SLC6A2: variants seen among roughly 807,000 people sequenced by gnomAD.
The protein encoded by SLC6A2 is solute carrier family 6 member 2.
Under a neutral mutation model 71.7 loss-of-function variants are expected in SLC6A2, and 26 were observed. That is an observed-to-expected ratio of 0.36 (90% confidence interval 0.27 to 0.50). The LOEUF is 0.50. Ranked by LOEUF, SLC6A2 falls within the 20% of genes least tolerant of loss-of-function variation. SLC6A2 has a pLI of 0.96. For missense variants in SLC6A2, 581 were observed against 803.9 expected, an observed-to-expected ratio of 0.72 and a Z score of 3.35; for synonymous variants, 363 against 337.9, an observed-to-expected ratio of 1.07 and a Z score of -0.82.
intron 3 of SLC6A2, chr16:55,671,546 T>G (rs1209016519): frequency 2.4e-6 from 1 of 418,680 alleles, no homozygotes; most frequent in Non-Finnish European, 4.3e-6. Context: ...AAGCTTCATC[T>G]GTATTTACAG....
intron 4 of SLC6A2, among the ~76,000 whole-genome samples, chr16:55,677,768 TC>T (rs1965140335): frequency 6.6e-6 from 1 of 151,800 alleles, no homozygotes; most frequent in Non-Finnish European, 1.5e-5. Context: ...CAAGTAATCC[TC>T]CCACCTCAGC....
chr16:55,664,691 G>A (rs963751088), intron 2 of SLC6A2, among the ~76,000 whole-genome samples: 4 of 152,292 alleles, frequency 2.6e-5, no homozygotes, highest in South Asian at 4.1e-4. Flanking sequence ...TATTATTATC[G>A]CATTTACAAA....
At chr16:55,687,784 C>T (rs988688075) in intron 5 of SLC6A2, among the ~76,000 whole-genome samples, 4 of 152,216 alleles carry the variant, frequency 2.6e-5, no homozygotes, top group African/African-American at 7.2e-5. Context: ...GAGCCTGCCC[C>T]GTCTAGTTTA....
At chr16:55,666,187 G>C (rs531053247) in intron 2 of SLC6A2, among the ~76,000 whole-genome samples, 2 of 152,308 alleles carry the variant, frequency 1.3e-5, no homozygotes, top group South Asian at 2.1e-4. Context: ...TTGCAGTTCT[G>C]AGACTCTCGG....
At chr16:55,663,457 C>A (rs1964663365) in intron 2 of SLC6A2, among the ~76,000 whole-genome samples, 1 of 152,202 alleles carries the variant, frequency 6.6e-6, no homozygotes, top group Non-Finnish European at 1.5e-5. Flanking sequence ...GATACAGCTG[C>A]CCAACCTTGA....
chr16:55,702,905 A>C lies in SLC6A2; in HGVS notation c.*559A>C, dbSNP rs1463097235. 7 of 990,066 alleles carry C rather than the reference A, an allele frequency of 7.1e-6. No individual in the cohort carries two copies. In the South Asian group the frequency reaches 2.3e-4, roughly 33 times the overall value. The allele number at this position is 990,066 out of a possible 1,614,324, so 61.3% of individuals were successfully genotyped here. A position where few individuals can be genotyped will look rare whatever the true frequency, so the allele number is the denominator to read the frequency against. ...TGGGAGTTAGATTTATTTGTCTCTA[A>C]AATGAAGTCAGTGGATAGATGCTTT... On this transcript the variant is annotated 3_prime_UTR_variant, in exon 15 of 15. Coordinates refer to ENST00000568943, the MANE Select transcript of SLC6A2 (RefSeq NM_001172501.3).
At position 55,656,830 on chromosome 16, in the gene SLC6A2, C is replaced by G. The variant is rs762963131; in HGVS notation, c.136C>G (p.Leu46Val). The change falls in exon 2 of 15, where the codon CTG (leucine) becomes GTG (valine). Residue 46 changes from leucine (L) to valine (V), a missense_variant. Leu to Val is a conservative substitution (Grantham distance 32, BLOSUM62 1). This residue lies in a region of SLC6A2 where 76 missense variants were observed against 79.9 expected (regional missense o/e 0.95). Transcript: ENST00000568943. This position sits in a 1 kb window ranked among gnomAD's most constrained non-coding sequence, Gnocchi z 4.5. ...VKERNGVQCLLAPRDGDAQPR... is the reference protein window; with the variant it reads ...VKERNGVQCLVAPRDGDAQPR... ...GGAGCGCAACGGCGTCCAGTGCCTGCTGGCGCCCCGCGACGGCGACGCGCA... is the reference window on the plus strand; with the variant it reads ...GGAGCGCAACGGCGTCCAGTGCCTGGTGGCGCCCCGCGACGGCGACGCGCA... The G allele has an allele frequency of 4.3e-6, 7 of 1,613,424 alleles. No homozygotes were observed. In the South Asian group the frequency reaches 6.6e-5, roughly 15 times the overall value.
chr16:55,695,991 A>C (rs1291353089), intron 8 of SLC6A2, among the ~76,000 whole-genome samples: 2 of 152,160 alleles, frequency 1.3e-5, no homozygotes, highest in Non-Finnish European at 2.9e-5. Context: ...GGTTTGCAGC[A>C]TGTAGCCTGT....
chr16:55,703,731 G>A lies in SLC6A2; in HGVS notation c.*1385G>A. 1 of 985,350 alleles carries A rather than the reference G, an allele frequency of 1.0e-6. No homozygotes were observed. Among genetic ancestry groups the A allele is most frequent in the Non-Finnish European group, 1.2e-6 (1 of 829,896 alleles). The allele number at this position is 985,350 out of a possible 1,614,324, so 61.0% of individuals were successfully genotyped here. On this transcript the variant is annotated 3_prime_UTR_variant, in exon 15 of 15. Transcript: ENST00000568943. ...GGAGGGATTCTTATTCTGACTGTGG[G>A]AGCTCCTGTTGCGGGATCTTGGGAA... is the stretch of plus-strand genomic sequence containing the variant.
At chr16:55,683,826 G>A (rs1160702459) in intron 4 of SLC6A2, among the ~76,000 whole-genome samples, 3 of 152,110 alleles carry the variant, frequency 2.0e-5, no homozygotes, top group African/African-American at 2.4e-5. Flanking sequence ...CTCCTAGTCA[G>A]TAACCCCCTC....
At chr16:55,667,400 C>T (rs1034606487) in intron 2 of SLC6A2, among the ~76,000 whole-genome samples, 2 of 152,182 alleles carry the variant, frequency 1.3e-5, no homozygotes, top group Non-Finnish European at 2.9e-5. Flanking sequence ...TGGTAATTCT[C>T]TCTCAGGGGT....
At chr16:55,681,705 T>C (rs1965276574) in intron 4 of SLC6A2, among the ~76,000 whole-genome samples, 1 of 152,210 alleles carries the variant, frequency 6.6e-6, no homozygotes, top group Admixed American at 6.5e-5. Context: ...TATGTTTTCC[T>C]TACAAGCCTG....
chr16:55,695,597 TAGG>T (rs1293547203), intron 8 of SLC6A2, among the ~76,000 whole-genome samples, 195 bp downstream of exon 8: 30 of 152,310 alleles, frequency 2.0e-4, no homozygotes, highest in Admixed American at 5.2e-4. Context: ...CCCATGCATG[TAGG>T]AGAACCTTCC....
chr16:55,698,379 A>T, intron 10 of SLC6A2, 90 bp from the exon 11 acceptor site: 1 of 925,746 alleles, frequency 1.1e-6, no homozygotes, highest in South Asian at 1.3e-5. Flanking sequence ...AGCAAGTGGG[A>T]CAGGGGGCAG....
chr16:55,701,938 G>T lies in SLC6A2; in HGVS notation c.1830+4G>T. On this transcript the variant is annotated splice_donor_region_variant and intron_variant, in intron 14 of 14. Coordinates refer to ENST00000568943, the MANE Select transcript of SLC6A2 (RefSeq NM_001172501.3). ...GAGGGACATCAGACAGTTCCAGGTGGGTGAAGCCTAGACCCCTGGGGTGGA... is the reference window on the plus strand; with the variant it reads ...GAGGGACATCAGACAGTTCCAGGTGTGTGAAGCCTAGACCCCTGGGGTGGA... The T allele has an allele frequency of 6.2e-7, 1 of 1,610,954 alleles. No homozygotes were observed. The highest frequency in any genetic ancestry group is 1.1e-5 in the South Asian group (1 of 91,016).
intron 4 of SLC6A2, among the ~76,000 whole-genome samples, chr16:55,679,446 G>A (rs1965198765): frequency 6.6e-6 from 1 of 151,978 alleles, no homozygotes; most frequent in South Asian, 2.1e-4. Flanking sequence ...AGACTGATGT[G>A]GAACTCCTGA....
Position 55,691,902 on chromosome 16 carries a change from C to T in SLC6A2, c.784-16C>T, listed in dbSNP as rs1339262619. On this transcript the variant is annotated splice_polypyrimidine_tract_variant and intron_variant, in intron 5 of 14. Transcript: ENST00000568943. ...GGCCAGAGCGAGGCTCTCACCTGAA[C>T]TTATCCATTGCCCAGGTGGTGTGGA... 1.2e-6 allele frequency: 2 copies of T among 1,614,110 alleles called. No individual in the cohort carries two copies.
At position 55,656,656 on chromosome 16, in the gene SLC6A2, C is replaced by A. The variant is rs761522601; in HGVS notation, c.-39C>A. 6.2e-7 allele frequency: 1 copy of A among 1,610,094 alleles called. No homozygotes were observed. Among genetic ancestry groups the A allele is most frequent in the Non-Finnish European group, 8.5e-7 (1 of 1,179,272 alleles). The stretch of plus-strand genomic sequence containing the variant: ...TTTATCCAAGCAGAGCCTCGGCGTG[C>A]CCCCAGGACCGGTAAAGTTCCTCTC... On this transcript the variant is annotated 5_prime_UTR_variant, in exon 2 of 15. Transcript: ENST00000568943. This position sits in a 1 kb window ranked among gnomAD's most constrained non-coding sequence, Gnocchi z 4.5.
chr16:55,670,069 C>T (rs574877673), intron 3 of SLC6A2, among the ~76,000 whole-genome samples: 14 of 152,130 alleles, frequency 9.2e-5, no homozygotes, highest in African/African-American at 3.1e-4. Flanking sequence ...TGAGCCCAGC[C>T]GGAAAGCTGA....
Sources: gnomAD v4.1 joint callset for allele counts (sites outside exome capture counted in the v4.1 genomes callset) on GRCh38, gnomAD v4.1.1 for gene constraint, gnomAD v4.1.1 regional missense constraint, Gnocchi (gnomAD v3.1) non-coding constraint, MANE v1.5 for transcripts, NCBI Gene and HGNC (gene_info 2026-07-23, HGNC 2026-07-21) for gene names.